TMEM143: variants seen among roughly 807,000 people sequenced by gnomAD.
TMEM143 encodes the protein transmembrane protein 143.
In TMEM143, 45 loss-of-function variants were observed where a neutral mutation model predicts 40.3. That is an observed-to-expected ratio of 1.12 (90% CI 0.88 to 1.43). The LOEUF is 1.43. Among genes scored for constraint, TMEM143 ranks in the 40% most tolerant of loss-of-function variants. TMEM143 has a pLI of 0.00. For missense variants in TMEM143, 620 were observed against 613.4 expected, an observed-to-expected ratio of 1.01 and a Z score of -0.11; for synonymous variants, 299 against 282.7, an observed-to-expected ratio of 1.06 and a Z score of -0.58.
At chr19:48,340,860 G>C (rs1969471568) in intron 6 of TMEM143, among the ~76,000 whole-genome samples, 1 of 152,052 alleles carries the variant, frequency 6.6e-6, no homozygotes, top group South Asian at 2.1e-4. Context: ...ACTGGATCCA[G>C]CCCCATGAGA....
intron 2 of TMEM143, 101 bp from the exon 3 acceptor site, chr19:48,360,277 A>C: frequency 8.1e-7 from 1 of 1,230,478 alleles, no homozygotes; most frequent in Non-Finnish European, 1.2e-6. Flanking sequence ...AGAGCTCTGG[A>C]CTTTGAAGTT....
chr19:48,334,079 TGCTCGTCCTGCGCGC>T lies in TMEM143; in HGVS notation c.1079_1093del (p.Arg360_Glu364del). The T allele has an allele frequency of 6.3e-7, 1 of 1,587,476 alleles. No individual in the cohort carries two copies. The highest frequency in any genetic ancestry group is 8.6e-7 in the Non-Finnish European group (1 of 1,168,416). On this transcript the variant is annotated inframe_deletion, in exon 7 of 8. Transcript: ENST00000293261. ...GTGAGCCAGCAGCGCCTCCTTGGTG[TGCTCGTCCTGCGCGC>T]GCAGGGCCAGGGCGCTGAGCAGCTC...
chr19:48,344,503 A>C (rs1332775119), intron 4 of TMEM143, among the ~76,000 whole-genome samples: 1 of 151,904 alleles, frequency 6.6e-6, no homozygotes. Context: ...CGCCTAGATG[A>C]GTCCGGAACT....
chr19:48,360,753 C>T (rs71357821), intron 2 of TMEM143, among the ~76,000 whole-genome samples: 2,181 of 152,060 alleles, frequency 0.014, 28 homozygotes, highest in Middle Eastern at 0.13. Flanking sequence ...AACGGTTTGA[C>T]AGTGTAATAT....
At chr19:48,351,325 C>T (rs901895851) in intron 3 of TMEM143, among the ~76,000 whole-genome samples, 2 of 152,178 alleles carry the variant, frequency 1.3e-5, no homozygotes, top group African/African-American at 4.8e-5. Flanking sequence ...GTGATGGTAA[C>T]ACATTCAAAA....
chr19:48,337,173 A>G (rs1270073484), intron 6 of TMEM143, among the ~76,000 whole-genome samples: 2 of 152,202 alleles, frequency 1.3e-5, no homozygotes, highest in East Asian at 3.8e-4. Context: ...TGCCCCTGGT[A>G]AGACCTAAGT....
Position 48,363,337 on chromosome 19 carries a change from C to T in TMEM143, c.218G>A (p.Arg73His), listed in dbSNP as rs370580128. ...PRDWAQQYRE[R>H]FIPFSKEQLL... ...CTGCTCCTTGGAGAAGGGAATGAAGCGCTCGCGGTACTGCTGGGCCCAGTC... is the reference window on the plus strand; with the variant it reads ...CTGCTCCTTGGAGAAGGGAATGAAGTGCTCGCGGTACTGCTGGGCCCAGTC... Residue 73 changes from arginine (R) to histidine (H), a missense_variant, in exon 2 of 8, where the codon CGC (arginine) becomes CAC (histidine). Transcript: ENST00000293261. 18 of 1,614,092 alleles carry T rather than the reference C, an allele frequency of 1.1e-5. No individual in the cohort carries two copies. The highest frequency in any genetic ancestry group is 1.3e-5 in the African/African-American group (1 of 74,940).
chr19:48,358,743 A>G (rs1368281388), intron 3 of TMEM143, among the ~76,000 whole-genome samples: 2 of 152,142 alleles, frequency 1.3e-5, no homozygotes, highest in East Asian at 3.9e-4. Flanking sequence ...AGACTCTTTC[A>G]TAGATGTCCC....
Position 48,361,498 on chromosome 19 carries a change from G to GT in TMEM143, c.265-1323dup, listed in dbSNP as rs529221451. Among the ~76,000 whole-genome samples the GT allele has an allele frequency of 2.4e-4, 36 of 151,458 alleles. No homozygotes were observed. In the East Asian group the frequency reaches 6.2e-3, roughly 26 times the overall value. On this transcript the variant is annotated intron_variant, in intron 2 of 7. Coordinates refer to ENST00000293261, the MANE Select transcript of TMEM143 (RefSeq NM_018273.4). ...TTCCCAAAGTGCTGGGATTACTGGC[G>GT]TGAGCCACCATGCCTGGCCTTGAAC...
intron 2 of TMEM143, 61 bp downstream of exon 2, chr19:48,363,230 C>A (rs753398073): frequency 3.0e-5 from 46 of 1,545,638 alleles, no homozygotes; most frequent in Non-Finnish European, 3.7e-5. Context: ...TAGGGCCCTG[C>A]CGCCGCGAAG....
At chr19:48,345,915 G>C (rs2147369245) in intron 3 of TMEM143, among the ~76,000 whole-genome samples, 1 of 151,400 alleles carries the variant, frequency 6.6e-6, no homozygotes, top group South Asian at 2.1e-4. Flanking sequence ...CTCCTGAGTA[G>C]CTGGGATTAC....
At chr19:48,338,293 G>A (rs1317737642) in intron 6 of TMEM143, among the ~76,000 whole-genome samples, 1 of 152,112 alleles carries the variant, frequency 6.6e-6, no homozygotes, top group Non-Finnish European at 1.5e-5. Context: ...CCTGGCCTCA[G>A]TCTCCCCGTC....
intron 3 of TMEM143, among the ~76,000 whole-genome samples, chr19:48,356,142 G>C (rs1452224219): frequency 1.3e-5 from 2 of 150,738 alleles, no homozygotes; most frequent in Non-Finnish European, 3.0e-5. Flanking sequence ...TTTTGGGATG[G>C]AGTCTCACTC....
At chr19:48,352,986 A>C (rs1461179285) in intron 3 of TMEM143, among the ~76,000 whole-genome samples, 3 of 152,080 alleles carry the variant, frequency 2.0e-5, no homozygotes, top group African/African-American at 4.8e-5. Context: ...ACATTATGTA[A>C]ATAGTTGTAA....
chr19:48,362,422 G>C (rs1320633499), intron 2 of TMEM143, among the ~76,000 whole-genome samples: 1 of 152,160 alleles, frequency 6.6e-6, no homozygotes, highest in Admixed American at 6.5e-5. Flanking sequence ...CCTCTCGGGG[G>C]CTGAGGAAGG....
At chr19:48,334,265 G>A (rs1226736481) in intron 6 of TMEM143, 68 bp from the exon 7 acceptor site, 2 of 1,479,862 alleles carry the variant, frequency 1.4e-6, no homozygotes, top group Admixed American at 2.1e-5. Flanking sequence ...AGCCCCCGGG[G>A]TCACCCCCGC....
intron 6 of TMEM143, 151 bp from the exon 7 acceptor site, chr19:48,334,348 C>T: frequency 1.6e-6 from 1 of 622,886 alleles, no homozygotes; most frequent in Non-Finnish European, 2.5e-6. Context: ...GTACGGGTCC[C>T]CAGAGCTCAG....
chr19:48,353,557 T>A (rs1381974587), intron 3 of TMEM143, among the ~76,000 whole-genome samples: 2 of 151,746 alleles, frequency 1.3e-5, no homozygotes, highest in Admixed American at 6.6e-5. Flanking sequence ...AGGACACACT[T>A]CCACTGTACT....
At chr19:48,352,782 A>AAT (rs555636288) in intron 3 of TMEM143, among the ~76,000 whole-genome samples, 24 of 151,756 alleles carry the variant, frequency 1.6e-4, no homozygotes, top group Non-Finnish European at 3.2e-4. Flanking sequence ...CTCAGAAAAA[A>AAT]ATATATATAT....
Sources: gnomAD v4.1 joint callset for allele counts (sites outside exome capture counted in the v4.1 genomes callset) on GRCh38, gnomAD v4.1.1 for gene constraint, MANE v1.5 for transcripts, NCBI Gene and HGNC (gene_info 2026-07-23, HGNC 2026-07-21) for gene names.